Variants in CIB1 observed in about 807,000 individuals in gnomAD.
The protein encoded by CIB1 is calcium and integrin binding 1, also known as calcium and integrin-binding protein 1.
A neutral mutation model predicts 25.0 loss-of-function variants in CIB1; 19 were observed. The ratio of observed to expected loss-of-function variants is 0.76; its 90% CI spans 0.53 to 1.12. CIB1 has a LOEUF of 1.12. Among genes scored for constraint, CIB1 ranks in the 50% most tolerant of loss-of-function variants. The pLI is 0.00. For synonymous variants in CIB1, 104 were observed against 98.5 expected, an observed-to-expected ratio of 1.06 and a Z score of -0.33; for missense variants, 236 against 242.6, an observed-to-expected ratio of 0.97 and a Z score of 0.18.
chr15:90,244,907 G>C, the CIB1 span: 5 of 152,224 alleles, frequency 3.3e-5, no homozygotes, highest in African/African-American at 1.2e-4. Flanking sequence ...CTGAAGGAAT[G>C]AGAGTCCCTG....
chr15:90,262,678 G>A, the CIB1 span: 2 of 1,471,338 alleles, frequency 1.4e-6, no homozygotes, highest in Non-Finnish European at 8.9e-7. Context: ...AGGTGCCAGG[G>A]GTTTTGTAGC....
At chr15:90,231,324 G>A (rs1157299821) in intron 4 of CIB1, 33 bp downstream of exon 4, 8 of 1,611,240 alleles carry the variant, frequency 5.0e-6, no homozygotes, top group African/African-American at 1.3e-5. Flanking sequence ...GTGGGAAGGG[G>A]TGGTGTCCTG....
the CIB1 span, among the ~76,000 whole-genome samples, chr15:90,246,715 G>C: frequency 1.4e-5 from 2 of 143,396 alleles, no homozygotes; most frequent in Non-Finnish European, 3.0e-5. Context: ...TTGAACCCGG[G>C]AGGCAGAGGG....
At chr15:90,262,804 C>A in the CIB1 span, 1 of 1,213,822 alleles carries the variant, frequency 8.2e-7, no homozygotes, top group Non-Finnish European at 1.1e-6. Context: ...AAATTGAATC[C>A]GATCCTTTGG....
upstream of CIB1, among the ~76,000 whole-genome samples, chr15:90,236,791 C>T (rs1962644929): frequency 6.6e-6 from 1 of 151,920 alleles, no homozygotes; most frequent in African/African-American, 2.4e-5. Context: ...CTCCCTCAGC[C>T]TCCCAAAGTG....
the CIB1 span, chr15:90,244,384 CTCATTGCTTTGT>C: frequency 1.3e-5 from 2 of 152,092 alleles, no homozygotes; most frequent in Admixed American, 1.3e-4. Flanking sequence ...TTTTTTTTAT[CTCATTGCTTTGT>C]TCTGTCCTGT....
chr15:90,264,451 G>T, the CIB1 span, among the ~76,000 whole-genome samples: 1 of 152,178 alleles, frequency 6.6e-6, no homozygotes, highest in Non-Finnish European at 1.5e-5. Flanking sequence ...GATTACAGGT[G>T]TAAGCCACCG....
In CIB1 at chr15:90,231,500, G is replaced by A; in HGVS notation, c.203C>T (p.Pro68Leu). The A allele has an allele frequency of 6.2e-7, 1 of 1,613,866 alleles. No individual in the cohort carries two copies. Among genetic ancestry groups the A allele is most frequent in the Non-Finnish European group, 8.5e-7 (1 of 1,179,852 alleles). ...GACCCTGCAGATTCGCTCCTTGAAG[G>A]GGTTGGCCTAGGAGAACAAACGCCA... ...ILSLPELKAN[P>L]FKERICRVFS... The change falls in exon 4 of 7, where the codon CCC (proline) becomes CTC (leucine). Residue 68 changes from proline to leucine, a missense_variant. By Grantham distance (98) the Pro-to-Leu change is moderately conservative. Transcript: ENST00000328649.
chr15:90,236,238 A>T (rs1962634642), upstream of CIB1: 1 of 152,094 alleles, frequency 6.6e-6, no homozygotes, highest in Non-Finnish European at 1.5e-5. Flanking sequence ...GGGTTTCTCC[A>T]TGTTGGTCAG....
the CIB1 span, among the ~76,000 whole-genome samples, chr15:90,252,415 A>C: frequency 5.3e-3 from 807 of 152,228 alleles, 11 homozygotes; most frequent in African/African-American, 0.018. Context: ...TCCTGGGCTC[A>C]AGTGATCCTC....
the CIB1 span, chr15:90,243,782 T>C: frequency 1.3e-5 from 2 of 150,496 alleles, no homozygotes; most frequent in East Asian, 3.9e-4. Context: ...CCCTAGTAGC[T>C]GGGACCACAG....
chr15:90,239,384 G>C, the CIB1 span, among the ~76,000 whole-genome samples: 1 of 150,928 alleles, frequency 6.6e-6, no homozygotes, highest in Non-Finnish European at 1.5e-5. Context: ...CCCAAGACTG[G>C]GTAATTTATA....
At position 90,231,200 on chromosome 15, in the gene CIB1, G is replaced by A. The variant is rs753956561; in HGVS notation, c.360C>T (p.Asp120=). ...YAFRIFDFDD[D]GTLNREDLSR... ...TCAGGTCTTCTCTGTTCAAGGTTCC[G>A]TCATCATCAAAGTCTAGAGAGCAGA... Residue 120 remains aspartate, a synonymous_variant, in exon 5 of 7, where the codon GAC becomes GAT. Transcript: ENST00000328649. 85 of 1,597,722 alleles carry A rather than the reference G, an allele frequency of 5.3e-5. 1 individual carries two copies. Among genetic ancestry groups the A allele is most frequent in the South Asian group, 3.9e-4 (35 of 89,988 alleles).
the CIB1 span, chr15:90,257,725 A>C: frequency 1.9e-6 from 3 of 1,613,362 alleles, no homozygotes; most frequent in Non-Finnish European, 2.5e-6. Context: ...AGTAAGAGGT[A>C]CTCCCTACTC....
At chr15:90,235,071 A>T (rs1962603648), upstream of CIB1, among the ~76,000 whole-genome samples, 1 of 152,120 alleles carries the variant, frequency 6.6e-6, no homozygotes, top group East Asian at 1.9e-4. Flanking sequence ...GCCCTCTGTA[A>T]CTGGACTTCC....
At chr15:90,257,644 T>C in the CIB1 span, 4 of 1,614,014 alleles carry the variant, frequency 2.5e-6, no homozygotes, top group African/African-American at 5.3e-5. Flanking sequence ...CAGGACAATG[T>C]CTGCATGCAC....
At chr15:90,262,576 G>C in the CIB1 span, 1 of 1,535,004 alleles carries the variant, frequency 6.5e-7, no homozygotes, top group South Asian at 1.2e-5. Flanking sequence ...ACCAGAACCA[G>C]GGTGAATCAG....
At chr15:90,265,591 A>C in the CIB1 span, 2 of 1,415,272 alleles carry the variant, frequency 1.4e-6, no homozygotes, top group South Asian at 1.3e-5. Context: ...TACCCCCACC[A>C]AGTGAAGCGG....
chr15:90,258,207 T>C, the CIB1 span: 11 of 1,614,266 alleles, frequency 6.8e-6, no homozygotes, highest in Non-Finnish European at 8.5e-6. Context: ...TACATGTGCC[T>C]GTTTTGAAAT....
Sources: gnomAD v4.1 joint callset for allele counts (sites outside exome capture counted in the v4.1 genomes callset) on GRCh38, gnomAD v4.1.1 for gene constraint, MANE v1.5 for transcripts, NCBI Gene and HGNC (gene_info 2026-07-23, HGNC 2026-07-21) for gene names.